The following DLGAP1 variants were observed in gnomAD, a reference collection of about 807,000 sequenced individuals.
DLGAP1 encodes the protein DLG associated protein 1, also known as disks large-associated protein 1.
DLGAP1 carries 11 observed loss-of-function variants against 90.8 expected under a neutral mutation model. That is an observed-to-expected ratio of 0.12 (90% CI 0.08 to 0.20). The LOEUF is 0.20. Ranked by LOEUF, DLGAP1 falls within the 10% of genes least tolerant of loss-of-function variation. The pLI is 1.00. For missense variants in DLGAP1, 1,050 were observed against 1,333.8 expected (o/e 0.79, Z 3.31); for synonymous variants, 558 against 540.7 (o/e 1.03, Z -0.44).
At chr18:3,984,731 T>C (rs988140639) in intron 3 of DLGAP1, among the ~76,000 whole-genome samples, 6 of 152,136 alleles carry the variant, frequency 3.9e-5, no homozygotes, top group Admixed American at 2.0e-4. Flanking sequence ...CAACTCCTAA[T>C]TGAATCCCCT....
chr18:3,576,566 CTTT>C (rs558651034), intron 8 of DLGAP1, among the ~76,000 whole-genome samples: 3 of 135,912 alleles, frequency 2.2e-5, no homozygotes, highest in African/African-American at 2.7e-5. Context: ...GCTCCAGCTC[CTTT>C]TTTTTTTTTT....
chr18:3,682,455 G>A (rs1185180063), intron 7 of DLGAP1, among the ~76,000 whole-genome samples: 2 of 152,188 alleles, frequency 1.3e-5, no homozygotes, highest in African/African-American at 4.8e-5. Flanking sequence ...AAAAGCTCTA[G>A]ATATAAAGTC....
intron 1 of DLGAP1, among the ~76,000 whole-genome samples, chr18:4,321,416 T>A (rs915937665): frequency 6.6e-6 from 1 of 152,236 alleles, no homozygotes; most frequent in East Asian, 1.9e-4. Context: ...AGTCTGAGCA[T>A]GAGGGTAGTT....
At chr18:3,702,021 G>T (rs1175976214) in intron 7 of DLGAP1, among the ~76,000 whole-genome samples, 1 of 152,252 alleles carries the variant, frequency 6.6e-6, no homozygotes, top group African/African-American at 2.4e-5. Context: ...TGAGTACCCT[G>T]ACACTACCTT....
At chr18:3,874,065 C>T (rs760240837) in intron 4 of DLGAP1, 6 of 1,532,690 alleles carry the variant, frequency 3.9e-6, no homozygotes, top group Non-Finnish European at 5.3e-6. Flanking sequence ...ATCACAAATA[C>T]TACCCCTTCC....
At chr18:4,346,793 G>T (rs1056640866) in intron 1 of DLGAP1, among the ~76,000 whole-genome samples, 1 of 151,988 alleles carries the variant, frequency 6.6e-6, no homozygotes, top group African/African-American at 2.4e-5. Flanking sequence ...AGAAATGAAA[G>T]AATTAAAATA....
chr18:3,534,156 C>T (rs750623125), intron 10 of DLGAP1, 38 bp downstream of exon 10: 20 of 1,583,412 alleles, frequency 1.3e-5, no homozygotes, highest in Non-Finnish European at 1.5e-5. Context: ...CAACCCCAGC[C>T]CCAGGGGACG....
At chr18:4,176,647 G>C (rs961671638) in intron 1 of DLGAP1, among the ~76,000 whole-genome samples, 1 of 152,156 alleles carries the variant, frequency 6.6e-6, no homozygotes, top group African/African-American at 2.4e-5. Flanking sequence ...CCTACAGGTT[G>C]CTGATATTAA....
chr18:4,092,680 G>C (rs2075788831), intron 2 of DLGAP1, among the ~76,000 whole-genome samples: 4 of 152,108 alleles, frequency 2.6e-5, no homozygotes, highest in Non-Finnish European at 4.4e-5. Context: ...TCCATAACAG[G>C]GGCAGGCCAG....
At chr18:3,819,033 C>T (rs1381558245) in intron 4 of DLGAP1, among the ~76,000 whole-genome samples, 4 of 151,578 alleles carry the variant, frequency 2.6e-5, no homozygotes, top group South Asian at 2.1e-4. Flanking sequence ...AACACACGGC[C>T]GGACGCGGTG....
At chr18:3,885,712 T>C (rs2071293556) in intron 3 of DLGAP1, among the ~76,000 whole-genome samples, 1 of 152,240 alleles carries the variant, frequency 6.6e-6, no homozygotes, top group African/African-American at 2.4e-5. Context: ...TTCTGTTTTA[T>C]TGTCCTTCTA....
At chr18:4,050,302 A>G (rs1368629902) in intron 2 of DLGAP1, among the ~76,000 whole-genome samples, 2 of 152,234 alleles carry the variant, frequency 1.3e-5, no homozygotes, top group African/African-American at 4.8e-5. Flanking sequence ...CAGGAGAGCA[A>G]GCATTAACAT....
At chr18:3,759,630 T>G (rs2063868322) in intron 5 of DLGAP1, among the ~76,000 whole-genome samples, 1 of 152,230 alleles carries the variant, frequency 6.6e-6, no homozygotes, top group Admixed American at 6.5e-5. Flanking sequence ...TTATGCTGGA[T>G]GTCATGGAGG....
At chr18:3,971,116 G>A (rs1288910795) in intron 3 of DLGAP1, among the ~76,000 whole-genome samples, 1 of 152,094 alleles carries the variant, frequency 6.6e-6, no homozygotes, top group African/African-American at 2.4e-5. Flanking sequence ...CCTTCTTTCG[G>A]TAGCTACAGC....
At chr18:3,618,046 G>T (rs1377567563) in intron 7 of DLGAP1, among the ~76,000 whole-genome samples, 2 of 150,714 alleles carry the variant, frequency 1.3e-5, no homozygotes, top group African/African-American at 5.0e-5. Context: ...TCAAAAGAAA[G>T]AAAGAAAGAA....
At chr18:3,822,013 T>C (rs1432692141) in intron 4 of DLGAP1, 3 of 918,346 alleles carry the variant, frequency 3.3e-6, no homozygotes, top group Non-Finnish European at 3.8e-6. Context: ...GCTCTTCTCA[T>C]AGCAAAAACA....
intron 7 of DLGAP1, among the ~76,000 whole-genome samples, chr18:3,639,772 T>TTTTTTTTTTTTTA (rs2058859569): frequency 6.8e-6 from 1 of 146,790 alleles, no homozygotes; most frequent in African/African-American, 2.6e-5. Flanking sequence ...TTTTTTTTTT[T>TTTTTTTTTTTTTA]GAGACAGAGT....
chr18:4,222,067 C>A (rs1445178609), intron 1 of DLGAP1, among the ~76,000 whole-genome samples: 1 of 152,076 alleles, frequency 6.6e-6, no homozygotes, highest in African/African-American at 2.4e-5. Flanking sequence ...AATTTTCTCT[C>A]CTAAAACATC....
intron 6 of DLGAP1, among the ~76,000 whole-genome samples, chr18:3,738,033 A>C (rs1415010391): frequency 1.3e-5 from 2 of 151,634 alleles, no homozygotes; most frequent in South Asian, 2.1e-4. Context: ...AATTGCTTCA[A>C]AGAGAATAAA....
Sources: gnomAD v4.1 joint callset for allele counts (sites outside exome capture counted in the v4.1 genomes callset) on GRCh38, gnomAD v4.1.1 for gene constraint, MANE v1.5 for transcripts, NCBI Gene and HGNC (gene_info 2026-07-23, HGNC 2026-07-21) for gene names.